Variants in NPAS2 observed in about 807,000 individuals in gnomAD.
NPAS2 encodes the protein neuronal PAS domain-containing protein 2.
In NPAS2, 23 loss-of-function variants were observed where a neutral mutation model predicts 107.5. That is an observed-to-expected ratio of 0.21 (90% CI 0.15 to 0.30). The LOEUF (loss-of-function observed/expected upper bound fraction) is 0.30. Ranked by LOEUF, NPAS2 falls within the 10% of genes least tolerant of loss-of-function variation. The pLI is 1.00. For synonymous variants in NPAS2, 403 were observed against 417.5 expected (o/e 0.97, Z 0.42); for missense variants, 756 against 1,043.3 (o/e 0.72, Z 3.79).
At chr2:100,971,943 CTT>C (rs562926280) in intron 12 of NPAS2, among the ~76,000 whole-genome samples, 40 of 136,164 alleles carry the variant, frequency 2.9e-4, no homozygotes, top group Admixed American at 4.4e-4. Context: ...ATGAATTTTT[CTT>C]TTTTTTTTTT....
At chr2:100,853,816 C>T (rs1290124457) in intron 1 of NPAS2, among the ~76,000 whole-genome samples, 2 of 151,922 alleles carry the variant, frequency 1.3e-5, no homozygotes, top group East Asian at 1.9e-4. Flanking sequence ...GGTATGAGGG[C>T]GCAGATCTGA....
At chr2:100,847,149 G>T (rs1235495918) in intron 1 of NPAS2, 1 of 152,208 alleles carries the variant, frequency 6.6e-6, no homozygotes, top group Admixed American at 6.5e-5. Flanking sequence ...GGACTGATTT[G>T]CTATCTATAA....
At chr2:100,880,315 A>T (rs1680251749) in intron 1 of NPAS2, among the ~76,000 whole-genome samples, 1 of 152,232 alleles carries the variant, frequency 6.6e-6, no homozygotes, top group Non-Finnish European at 1.5e-5. Flanking sequence ...GCAGAAACTT[A>T]TGTTAACTTA....
chr2:100,857,256 C>G (rs1220206278), intron 1 of NPAS2, among the ~76,000 whole-genome samples: 1 of 150,652 alleles, frequency 6.6e-6, no homozygotes, highest in Admixed American at 6.6e-5. Context: ...CGAGATCACG[C>G]CATTGCACTC....
At chr2:100,823,863 A>G (rs573229506) in intron 1 of NPAS2, 2 of 152,342 alleles carry the variant, frequency 1.3e-5, no homozygotes, top group East Asian at 3.9e-4. Context: ...GGGCTTCCAC[A>G]TTGCTGACCT....
chr2:100,863,294 T>G (rs1679054619), intron 1 of NPAS2, among the ~76,000 whole-genome samples: 1 of 152,228 alleles, frequency 6.6e-6, no homozygotes, highest in Non-Finnish European at 1.5e-5. Context: ...GCTGCTAGAC[T>G]CTGCTTCCTC....
chr2:100,856,741 C>G (rs921949434), intron 1 of NPAS2, among the ~76,000 whole-genome samples: 2 of 152,068 alleles, frequency 1.3e-5, no homozygotes, highest in Non-Finnish European at 2.9e-5. Flanking sequence ...ATGTGTTTAG[C>G]AGAATCATAA....
intron 1 of NPAS2, among the ~76,000 whole-genome samples, chr2:100,851,231 A>C (rs575472222): frequency 6.6e-6 from 1 of 152,366 alleles, no homozygotes; most frequent in East Asian, 1.9e-4. Context: ...CGTAGTTTAC[A>C]CAACAGTGTG....
chr2:100,949,554 C>T (rs183247407), intron 7 of NPAS2, 74 bp downstream of exon 7: 29 of 871,658 alleles, frequency 3.3e-5, no homozygotes, highest in Non-Finnish European at 4.8e-5. Context: ...CATTAAGAAT[C>T]GCCCAGGGAG....
chr2:100,960,306 T>C (rs779188564), intron 7 of NPAS2, among the ~76,000 whole-genome samples: 52 of 152,038 alleles, frequency 3.4e-4, no homozygotes, highest in Non-Finnish European at 5.1e-4. Flanking sequence ...CTCACGCCTG[T>C]AATCCCAGCA....
intron 1 of NPAS2, among the ~76,000 whole-genome samples, chr2:100,900,527 A>C (rs1234614010): frequency 6.6e-6 from 1 of 152,202 alleles, no homozygotes; most frequent in Non-Finnish European, 1.5e-5. Flanking sequence ...TAAAGTAAGC[A>C]TACAGCTACC....
Position 100,967,897 on chromosome 2 carries a change from G to A in NPAS2, c.908-384G>A, listed in dbSNP as rs1002834072. Among the ~76,000 whole-genome samples, 55 of 152,300 alleles carry A rather than the reference G, an allele frequency of 3.6e-4. 1 individual carries two copies. The highest frequency in any genetic ancestry group is 6.8e-3 in the Middle Eastern group (2 of 294). ...GTTGCTGGCTGGCAGGTCTGTTTTC[G>A]GGCCAATTCTGGATGCTCTCTCCTG... On this transcript the variant is annotated intron_variant, in intron 10 of 20. Transcript: ENST00000335681.
chr2:100,992,930 C>CT (rs796643219), intron 19 of NPAS2, among the ~76,000 whole-genome samples: 4,669 of 143,852 alleles, frequency 0.032, 244 homozygotes, highest in African/African-American at 0.11. Flanking sequence ...ACAAAAGTTT[C>CT]TTTTTTTTTT....
intron 1 of NPAS2, among the ~76,000 whole-genome samples, chr2:100,848,098 G>T (rs1427483834): frequency 6.6e-6 from 1 of 152,216 alleles, no homozygotes; most frequent in Non-Finnish European, 1.5e-5. Context: ...CCTTAAAGGA[G>T]GAAGCAGAGG....
At position 100,965,851 on chromosome 2, in the gene NPAS2, C is replaced by T. The variant is rs1196307697; in HGVS notation, c.907+85C>T. Reference sequence around the variant, plus strand: ...CAGCAGGGCTCTGGGACTCCAGAAGCCTCTGCTCGTTACCTGGTTTCTTTT... The same window carrying T: ...CAGCAGGGCTCTGGGACTCCAGAAGTCTCTGCTCGTTACCTGGTTTCTTTT... On this transcript the variant is annotated intron_variant, in intron 10 of 20. Coordinates refer to ENST00000335681, the MANE Select transcript of NPAS2 (RefSeq NM_002518.4). This position sits in a 1 kb window ranked among gnomAD's most constrained non-coding sequence, Gnocchi z 4.3. 1.2e-6 allele frequency: 1 copy of T among 829,256 alleles called. No individual in the cohort carries two copies. The highest frequency in any genetic ancestry group is 2.0e-6 in the Non-Finnish European group (1 of 502,348). The allele number at this position is 829,256 out of a possible 1,614,324, so 51.4% of individuals were successfully genotyped here. A position where few individuals can be genotyped will look rare whatever the true frequency, so the allele number is the denominator to read the frequency against.
intron 5 of NPAS2, among the ~76,000 whole-genome samples, chr2:100,939,346 A>C (rs560367580): frequency 6.4e-4 from 98 of 152,142 alleles, no homozygotes; most frequent in Non-Finnish European, 1.2e-3. Flanking sequence ...TCCTAAAACG[A>C]GGGTGCATCA....
chr2:100,925,655 T>C (rs1170233924), intron 3 of NPAS2, among the ~76,000 whole-genome samples: 2 of 152,222 alleles, frequency 1.3e-5, no homozygotes, highest in African/African-American at 4.8e-5. Context: ...ACTCACTTCC[T>C]GTGGGATCAG....
chr2:100,831,647 C>T (rs552100287), intron 1 of NPAS2, among the ~76,000 whole-genome samples: 1 of 152,172 alleles, frequency 6.6e-6, no homozygotes, highest in Non-Finnish European at 1.5e-5. Context: ...TGGCCTCCCC[C>T]CTTTCCCCTT....
chr2:100,993,101 T>C (rs1412289934), intron 19 of NPAS2, among the ~76,000 whole-genome samples: 6 of 151,972 alleles, frequency 3.9e-5, no homozygotes. Flanking sequence ...GGCTAATTTT[T>C]ATTTATATTT....
Sources: gnomAD v4.1 joint callset for allele counts (sites outside exome capture counted in the v4.1 genomes callset) on GRCh38, gnomAD v4.1.1 for gene constraint, Gnocchi (gnomAD v3.1) non-coding constraint, MANE v1.5 for transcripts, NCBI Gene and HGNC (gene_info 2026-07-23, HGNC 2026-07-21) for gene names.